GRM8: variants seen among roughly 807,000 people sequenced by gnomAD.
GRM8 encodes the protein glutamate metabotropic receptor 8.
GRM8 carries 47 observed loss-of-function variants against 87.2 expected under a neutral mutation model. The ratio of observed to expected loss-of-function variants is 0.54; its 90% CI spans 0.43 to 0.69. GRM8 has a LOEUF of 0.69. GRM8 is among the 30% of genes least tolerant of loss of function. The pLI is 0.00. For missense variants in GRM8, 1,019 were observed against 1,139.2 expected (o/e 0.89, Z 1.52); for synonymous variants, 396 against 404.5 (o/e 0.98, Z 0.25).
intron 2 of GRM8, among the ~76,000 whole-genome samples, chr7:127,114,335 G>A (rs1414371438): frequency 6.6e-6 from 1 of 152,132 alleles, no homozygotes; most frequent in Non-Finnish European, 1.5e-5. Flanking sequence ...GGGTCAAGGA[G>A]AGCCAGGAGT....
intron 9 of GRM8, among the ~76,000 whole-genome samples, chr7:126,527,497 G>C (rs1814044655): frequency 6.6e-6 from 1 of 152,200 alleles, no homozygotes; most frequent in Admixed American, 6.5e-5. Context: ...TAAGGAAATG[G>C]AGAAATGTCA....
At chr7:127,193,699 T>C (rs1325687536) in intron 2 of GRM8, among the ~76,000 whole-genome samples, 1 of 152,196 alleles carries the variant, frequency 6.6e-6, no homozygotes, top group Non-Finnish European at 1.5e-5. Context: ...TCTCAAATGT[T>C]ACAGAGTCTT....
chr7:126,723,097 A>G (rs896818813), intron 7 of GRM8, among the ~76,000 whole-genome samples: 1 of 150,524 alleles, frequency 6.6e-6, no homozygotes, highest in Non-Finnish European at 1.5e-5. Flanking sequence ...CCCTTTATTA[A>G]TAAAGAACAG....
At chr7:127,140,743 G>C (rs1005603702) in intron 2 of GRM8, among the ~76,000 whole-genome samples, 3 of 152,032 alleles carry the variant, frequency 2.0e-5, no homozygotes, top group African/African-American at 4.8e-5. Context: ...GGAGGAATAC[G>C]ATCCTCATAT....
At chr7:126,552,296 A>G (rs1391609151) in intron 8 of GRM8, among the ~76,000 whole-genome samples, 1 of 152,130 alleles carries the variant, frequency 6.6e-6, no homozygotes, top group African/African-American at 2.4e-5. Context: ...GTCAGGAACC[A>G]TGCCTAATAT....
chr7:126,825,615 AC>A (rs1356937791), intron 6 of GRM8, among the ~76,000 whole-genome samples: 1 of 152,198 alleles, frequency 6.6e-6, no homozygotes, highest in Non-Finnish European at 1.5e-5. Context: ...GTGTTAAAGG[AC>A]TGGGTAAAAT....
intron 6 of GRM8, among the ~76,000 whole-genome samples, chr7:126,812,031 A>C (rs1793348237): frequency 6.6e-6 from 1 of 151,918 alleles, no homozygotes; most frequent in Non-Finnish European, 1.5e-5. Flanking sequence ...TACAATATGC[A>C]TTATTCTGGT....
Position 126,622,183 on chromosome 7 carries a change from C to T in GRM8, c.1358-12685G>A, listed in dbSNP as rs192775518. On this transcript the variant is annotated intron_variant, in intron 7 of 10. Coordinates refer to ENST00000339582, the MANE Select transcript of GRM8 (RefSeq NM_000845.3). ...AAATGAGATGCCCAGGGCATGACTC[C>T]GAGAGGGAATCTATCTCCCTGAATT... Among the ~76,000 whole-genome samples the T allele has an allele frequency of 1.5e-4, 23 of 152,230 alleles. No homozygotes were observed. In the South Asian group the frequency reaches 2.5e-3, roughly 16 times the overall value.
At chr7:126,629,045 A>C (rs1473849654) in intron 7 of GRM8, among the ~76,000 whole-genome samples, 1 of 152,190 alleles carries the variant, frequency 6.6e-6, no homozygotes, top group East Asian at 1.9e-4. Context: ...TGGAAAAGAA[A>C]GGTATACTAA....
intron 6 of GRM8, among the ~76,000 whole-genome samples, chr7:126,884,732 A>G (rs945283037): frequency 9.2e-5 from 14 of 152,198 alleles, no homozygotes; most frequent in African/African-American, 3.4e-4. Context: ...TGACAGGCAC[A>G]GTGGCCACAA....
intron 2 of GRM8, among the ~76,000 whole-genome samples, chr7:127,130,098 T>G (rs992359204): frequency 1.3e-5 from 2 of 152,156 alleles, no homozygotes; most frequent in Admixed American, 6.6e-5. Flanking sequence ...CTGCCATGTA[T>G]GACATGCCTT....
chr7:126,909,142 GGT>G (rs1481394861), intron 3 of GRM8, among the ~76,000 whole-genome samples: 2 of 152,102 alleles, frequency 1.3e-5, no homozygotes, highest in Non-Finnish European at 2.9e-5. Context: ...GTCAGACAAG[GGT>G]GTAAATTAGG....
At chr7:126,749,301 A>T (rs1407534846) in intron 7 of GRM8, among the ~76,000 whole-genome samples, 1 of 151,992 alleles carries the variant, frequency 6.6e-6, no homozygotes, top group Admixed American at 6.6e-5. Flanking sequence ...AATGAAATAA[A>T]ATCACCTTTC....
intron 9 of GRM8, among the ~76,000 whole-genome samples, chr7:126,474,624 T>A (rs1805688249): frequency 6.6e-6 from 1 of 152,090 alleles, no homozygotes; most frequent in African/African-American, 2.4e-5. Flanking sequence ...CTTTAAAGAG[T>A]CCTAGAGATA....
At chr7:127,002,669 T>A (rs1274056258) in intron 3 of GRM8, among the ~76,000 whole-genome samples, 1 of 151,678 alleles carries the variant, frequency 6.6e-6, no homozygotes, top group African/African-American at 2.4e-5. Context: ...ACCAGGACAG[T>A]CCACTAATAC....
chr7:126,631,897 A>G (rs142554882), intron 7 of GRM8, among the ~76,000 whole-genome samples: 174 of 152,352 alleles, frequency 1.1e-3, no homozygotes, highest in Non-Finnish European at 2.0e-3. Context: ...TGGATTAAAG[A>G]CTTAAATGTA....
chr7:127,076,190 A>G (rs2132725826), intron 3 of GRM8: 1 of 456,668 alleles, frequency 2.2e-6, no homozygotes, highest in East Asian at 6.9e-5. Flanking sequence ...ATAGTATAGC[A>G]AAACATTCAT....
chr7:126,965,162 G>T (rs565511100), intron 3 of GRM8, among the ~76,000 whole-genome samples: 4 of 152,042 alleles, frequency 2.6e-5, no homozygotes, highest in Admixed American at 2.6e-4. Context: ...CCTGTCAGGC[G>T]GTTGGGGGGT....
At chr7:126,841,936 C>G (rs1353529850) in intron 6 of GRM8, among the ~76,000 whole-genome samples, 1 of 151,942 alleles carries the variant, frequency 6.6e-6, no homozygotes, top group African/African-American at 2.4e-5. Flanking sequence ...CCGGCCCCAG[C>G]CTTTATTTTC....
Sources: gnomAD v4.1 joint callset for allele counts (sites outside exome capture counted in the v4.1 genomes callset) on GRCh38, gnomAD v4.1.1 for gene constraint, MANE v1.5 for transcripts, NCBI Gene and HGNC (gene_info 2026-07-23, HGNC 2026-07-21) for gene names.